FHL5: variants seen among roughly 807,000 people sequenced by gnomAD.
The protein encoded by FHL5 is four and a half LIM domains protein 5.
Under a neutral mutation model 32.0 loss-of-function variants are expected in FHL5, and 33 were observed. The observed-to-expected ratio is 1.03, with a 90% CI of 0.78 to 1.38. The LOEUF (loss-of-function observed/expected upper bound fraction) is 1.38, where lower values mean the gene tolerates loss of function less well. Among genes scored for constraint, FHL5 ranks in the 40% most tolerant of loss-of-function variants. The pLI, the probability that FHL5 is intolerant of heterozygous loss-of-function variation, is 0.00. For missense variants in FHL5, 336 were observed against 343.9 expected (o/e 0.98, Z 0.18); for synonymous variants, 114 against 113.6 (o/e 1.00, Z -0.02).
intron 1 of FHL5, among the ~76,000 whole-genome samples, chr6:96,578,332 AT>A (rs966657642): frequency 2.7e-4 from 41 of 152,168 alleles, no homozygotes; most frequent in African/African-American, 8.9e-4. Flanking sequence ...GTAGAAGTTA[AT>A]TTTTTTTCTT....
At chr6:96,574,355 C>G (rs1432336184) in intron 1 of FHL5, among the ~76,000 whole-genome samples, 1 of 152,134 alleles carries the variant, frequency 6.6e-6, no homozygotes, top group Non-Finnish European at 1.5e-5. Flanking sequence ...CCAGATAATA[C>G]TTTAGTCTTC....
chr6:96,588,018 C>T lies in FHL5; in HGVS notation c.-12-15584C>T, dbSNP rs1182515593. Among the ~76,000 whole-genome samples the T allele has an allele frequency of 5.9e-5, 9 of 152,228 alleles. No homozygotes were observed. In the East Asian group the frequency reaches 1.5e-3, roughly 26 times the overall value. ...TTTTTTGCTATGGCTAGTATAAACT[C>T]CGTGGCTGTGAGCATTGTTCCACAT... On this transcript the variant is annotated intron_variant, in intron 1 of 5. Transcript: ENST00000450218.
chr6:96,574,555 C>A (rs1480980264), intron 1 of FHL5, among the ~76,000 whole-genome samples: 2 of 152,162 alleles, frequency 1.3e-5, no homozygotes, highest in Non-Finnish European at 2.9e-5. Flanking sequence ...TCAGACCATA[C>A]AAAAACAGGC....
At chr6:96,610,856 G>A in intron 5 of FHL5, 98 bp downstream of exon 5, 2 of 865,858 alleles carry the variant, frequency 2.3e-6, no homozygotes, top group Admixed American at 4.7e-5. Flanking sequence ...AAAATGGGAA[G>A]CTTTCCTTTA....
intron 4 of FHL5, among the ~76,000 whole-genome samples, chr6:96,607,589 T>A (rs1399086907): frequency 6.6e-6 from 1 of 152,200 alleles, no homozygotes; most frequent in Non-Finnish European, 1.5e-5. Flanking sequence ...CCTTCATTAC[T>A]CTACCAAAAC....
intron 1 of FHL5, among the ~76,000 whole-genome samples, chr6:96,571,911 A>T (rs1467400407): frequency 6.6e-6 from 1 of 151,918 alleles, no homozygotes; most frequent in African/African-American, 2.4e-5. Context: ...TGCTTTCAGT[A>T]CTCCAGAATG....
rs1770906522 is a variant in FHL5, at chr6:96,591,135, G to A, written c.-12-12467G>A. ...TCTCTGTTTGTACTTACTTGATTTG[G>A]TTTGTGTGAGATTGCTGTTATTTCT... On this transcript the variant is annotated intron_variant, in intron 1 of 5. Coordinates refer to ENST00000450218, the MANE Select transcript of FHL5 (RefSeq NM_001322466.2). 2.6e-5 allele frequency among the ~76,000 whole-genome samples: 4 copies of A among 152,008 alleles called. No individual in the cohort carries two copies. In the South Asian group the frequency reaches 6.2e-4, roughly 24 times the overall value.
At chr6:96,575,091 T>G (rs1179384100) in intron 1 of FHL5, among the ~76,000 whole-genome samples, 1 of 152,206 alleles carries the variant, frequency 6.6e-6, no homozygotes, top group African/African-American at 2.4e-5. Flanking sequence ...TCATTTAAAC[T>G]ATAATAACTA....
intron 1 of FHL5, among the ~76,000 whole-genome samples, chr6:96,586,686 G>GA (rs1562056699): frequency 6.6e-6 from 1 of 152,088 alleles, no homozygotes; most frequent in African/African-American, 2.4e-5. Context: ...AATTTGCAAG[G>GA]AAAAAATTAA....
In FHL5 at chr6:96,615,620, G is replaced by A; in HGVS notation, c.703G>A (p.Ala235Thr). The change falls in exon 6 of 6, where the codon GCC becomes ACC. Residue 235 changes from alanine (A) to threonine (T), a missense_variant. Physicochemically the swap from Ala to Thr is moderately conservative, Grantham distance 58. Transcript: ENST00000450218. ...CAATTCCTTTACAGGTCTCACAGGT[G>A]CCAAGTTTATCTGCTTTCAAGACAG... Reference protein sequence around the residue: ...CSKPISGLTGAKFICFQDSQW... With the variant: ...CSKPISGLTGTKFICFQDSQW... The A allele has an allele frequency of 2.5e-6, 4 of 1,607,398 alleles. No homozygotes were observed. The highest frequency in any genetic ancestry group is 3.4e-6 in the Non-Finnish European group (4 of 1,177,012).
intron 1 of FHL5, among the ~76,000 whole-genome samples, chr6:96,594,636 T>C (rs780996248): frequency 3.7e-4 from 56 of 152,022 alleles, no homozygotes; most frequent in Non-Finnish European, 1.0e-4. Context: ...ATTTTGGTTT[T>C]CAACCAAGAA....
Position 96,563,154 on chromosome 6 carries a change from A to T in FHL5, c.-214A>T, listed in dbSNP as rs891580267. ...GTAGGAGTCATGTACACGGTATAAG[A>T]CTTGGAGGAAATGCAGGGACCCTTC... On this transcript the variant is annotated 5_prime_UTR_variant, in exon 1 of 6. Transcript: ENST00000450218. The T allele has an allele frequency of 1.3e-5, 2 of 152,154 alleles. No homozygotes were observed. The highest frequency in any genetic ancestry group is 2.9e-5 in the Non-Finnish European group (2 of 68,040). The allele number at this position is 152,154 out of a possible 1,614,324, so 9.4% of individuals were successfully genotyped here.
chr6:96,577,630 T>C (rs183134245), intron 1 of FHL5, among the ~76,000 whole-genome samples: 1 of 152,330 alleles, frequency 6.6e-6, no homozygotes, highest in African/African-American at 2.4e-5. Context: ...CTTTTGAAGA[T>C]AGCTATTTCA....
At chr6:96,590,346 A>G (rs1208565662) in intron 1 of FHL5, among the ~76,000 whole-genome samples, 1 of 152,030 alleles carries the variant, frequency 6.6e-6, no homozygotes, top group Admixed American at 6.5e-5. Flanking sequence ...TTTTCTATGT[A>G]GAGAGCTCAT....
At chr6:96,606,206 A>T in intron 4 of FHL5, 135 bp downstream of exon 4, 1 of 643,156 alleles carries the variant, frequency 1.6e-6, no homozygotes. Context: ...GACTTTCAAC[A>T]TGTCCAAACC....
intron 1 of FHL5, among the ~76,000 whole-genome samples, chr6:96,602,469 CGGAGTCT>C (rs1441769910): frequency 1.5e-5 from 1 of 66,244 alleles, no homozygotes; most frequent in Non-Finnish European, 2.7e-5. Flanking sequence ...TTTTTTGAGA[CGGAGTCT>C]GGCTCTGTCG....
intron 1 of FHL5, among the ~76,000 whole-genome samples, chr6:96,595,672 T>C (rs780767258): frequency 6.6e-6 from 1 of 151,908 alleles, no homozygotes; most frequent in Non-Finnish European, 1.5e-5. Flanking sequence ...TTAGTTCTAT[T>C]TCCAAGTTTA....
At chr6:96,596,159 T>A (rs1771029283) in intron 1 of FHL5, among the ~76,000 whole-genome samples, 1 of 152,062 alleles carries the variant, frequency 6.6e-6, no homozygotes, top group Non-Finnish European at 1.5e-5. Context: ...AATACTTGGA[T>A]AACAAGGTCA....
chr6:96,588,891 G>T (rs746437993), intron 1 of FHL5, among the ~76,000 whole-genome samples: 2 of 148,562 alleles, frequency 1.3e-5, no homozygotes, highest in Non-Finnish European at 3.0e-5. Context: ...TAAAAAAAAA[G>T]TAACAACCTT....
Sources: allele counts gnomAD v4.1 joint callset (sites outside exome capture counted in the v4.1 genomes callset), GRCh38; gene constraint gnomAD v4.1.1; transcripts MANE v1.5; gene names NCBI Gene and HGNC (gene_info 2026-07-23, HGNC 2026-07-21).